The following SND1 variants were observed in gnomAD, a reference collection of about 807,000 sequenced individuals.
SND1 encodes the protein staphylococcal nuclease domain-containing protein 1.
A neutral mutation model predicts 121.7 loss-of-function variants in SND1; 38 were observed. The ratio of observed to expected loss-of-function variants is 0.31; its 90% CI spans 0.24 to 0.41. The LOEUF (loss-of-function observed/expected upper bound fraction) is 0.41. SND1 is among the 10% of genes least tolerant of loss of function. SND1 has a pLI of 1.00. For missense variants in SND1, 868 were observed against 1,184.6 expected (o/e 0.73, Z 3.92); for synonymous variants, 401 against 447.4 (o/e 0.90, Z 1.31).
chr7:127,803,155 T>C (rs903222111), intron 10 of SND1, among the ~76,000 whole-genome samples: 2 of 152,230 alleles, frequency 1.3e-5, no homozygotes, highest in African/African-American at 2.4e-5. Context: ...CTAGCTGCAG[T>C]GGTGGTGCCT....
At chr7:127,673,078 G>C (rs1006404936) in intron 1 of SND1, among the ~76,000 whole-genome samples, 3 of 147,990 alleles carry the variant, frequency 2.0e-5, no homozygotes, top group Non-Finnish European at 4.5e-5. Context: ...ATTTTAACCT[G>C]TTCATTATTT....
At position 128,052,596 on chromosome 7, in the gene SND1, C is replaced by T. The variant is rs536469188; in HGVS notation, c.1780-21906C>T. On this transcript the variant is annotated intron_variant, in intron 16 of 23. Transcript: ENST00000354725. This position sits in a 1 kb window ranked among gnomAD's most constrained non-coding sequence, Gnocchi z 4.6. ...TGTGTGTGTATCTGCATGCTCACAC[C>T]GCAGCCTGATCGATGCCTGTCAGAG... Among the ~76,000 whole-genome samples, 9 of 152,300 alleles carry T rather than the reference C, an allele frequency of 5.9e-5. No individual in the cohort carries two copies. In the East Asian group the frequency reaches 9.6e-4, roughly 16 times the overall value.
intron 15 of SND1, among the ~76,000 whole-genome samples, chr7:127,947,348 A>G (rs543012133): frequency 1.3e-5 from 2 of 152,346 alleles, no homozygotes; most frequent in African/African-American, 2.4e-5. Flanking sequence ...TGCTGCCCCT[A>G]GATATGCCAG....
At chr7:128,022,481 G>A (rs577757638) in intron 16 of SND1, among the ~76,000 whole-genome samples, 1 of 152,240 alleles carries the variant, frequency 6.6e-6, no homozygotes, top group East Asian at 1.9e-4. Context: ...TCATGCCATC[G>A]TCTCAAATGC....
At chr7:128,030,531 G>C (rs758833551) in intron 16 of SND1, 17 of 1,613,284 alleles carry the variant, frequency 1.1e-5, no homozygotes, top group Non-Finnish European at 1.4e-5. Context: ...TGAGGCGGCA[G>C]CAGCGATGGC....
intron 12 of SND1, among the ~76,000 whole-genome samples, chr7:127,848,495 A>T (rs981469509): frequency 6.6e-6 from 1 of 152,232 alleles, no homozygotes; most frequent in Non-Finnish European, 1.5e-5. Flanking sequence ...GTTAGTAAAG[A>T]GAGCTTCTAT....
chr7:127,822,955 G>A (rs1374383084), intron 11 of SND1, among the ~76,000 whole-genome samples: 1 of 152,202 alleles, frequency 6.6e-6, no homozygotes. Context: ...CATTAAATGA[G>A]GTAATATACG....
intron 16 of SND1, among the ~76,000 whole-genome samples, chr7:128,009,238 A>T (rs1380910970): frequency 2.0e-5 from 3 of 152,230 alleles, no homozygotes; most frequent in Non-Finnish European, 4.4e-5. Context: ...GTGAACATGC[A>T]GACAAGGTAC....
intron 16 of SND1, among the ~76,000 whole-genome samples, chr7:127,995,910 C>T (rs921125857): frequency 2.6e-5 from 4 of 152,140 alleles, no homozygotes; most frequent in Non-Finnish European, 5.9e-5. Flanking sequence ...AGGCCTTTTT[C>T]GATGACCCCT....
At chr7:127,841,721 G>A (rs1798969498) in intron 11 of SND1, among the ~76,000 whole-genome samples, 1 of 152,092 alleles carries the variant, frequency 6.6e-6, no homozygotes, top group Admixed American at 6.6e-5. Flanking sequence ...CTGGCCAGCA[G>A]CATGCAGGGA....
intron 15 of SND1, among the ~76,000 whole-genome samples, chr7:127,971,369 A>T (rs1801983056): frequency 6.6e-6 from 1 of 152,346 alleles, no homozygotes; most frequent in African/African-American, 2.4e-5. Context: ...TATGGCTGTC[A>T]TGTCTGCTAG....
chr7:127,660,989 C>T (rs1390662709), intron 1 of SND1, among the ~76,000 whole-genome samples: 1 of 152,098 alleles, frequency 6.6e-6, no homozygotes, highest in African/African-American at 2.4e-5. Context: ...TGGGATTGAT[C>T]TGGGGCTGGC....
intron 1 of SND1, among the ~76,000 whole-genome samples, chr7:127,676,497 G>A (rs1795618320): frequency 6.6e-6 from 1 of 152,184 alleles, no homozygotes; most frequent in Non-Finnish European, 1.5e-5. Context: ...TGTTCCGTTA[G>A]CCACACCATC....
chr7:127,760,089 TC>T (rs1279334725), intron 10 of SND1, among the ~76,000 whole-genome samples: 1 of 152,182 alleles, frequency 6.6e-6, no homozygotes, highest in Non-Finnish European at 1.5e-5. Context: ...CCCTATGGAC[TC>T]CCCTCAGTCC....
chr7:127,672,357 C>T (rs1204949169), intron 1 of SND1, among the ~76,000 whole-genome samples: 1 of 151,920 alleles, frequency 6.6e-6, no homozygotes, highest in Admixed American at 6.6e-5. Context: ...AATCCTAGCA[C>T]TTAGGGAGGC....
At position 128,029,134 on chromosome 7, in the gene SND1, G is replaced by C; in HGVS notation, c.1779+38078G>C. 1 of 1,614,162 alleles carries C rather than the reference G, an allele frequency of 6.2e-7. No individual in the cohort carries two copies. On this transcript the variant is annotated intron_variant, in intron 16 of 23. Coordinates refer to ENST00000354725, the MANE Select transcript of SND1 (RefSeq NM_014390.4). This position sits in a 1 kb window ranked among gnomAD's most constrained non-coding sequence, Gnocchi z 4.2. ...GTGTCTGTCGCGGGTACTGCCACCT[G>C]CTTGGGCACACGGGTAGTCTGAATG...
At chr7:127,978,296 T>G (rs1490906719) in intron 15 of SND1, among the ~76,000 whole-genome samples, 1 of 152,116 alleles carries the variant, frequency 6.6e-6, no homozygotes. Context: ...AACAATCTAG[T>G]AGGACTTCTA....
At chr7:127,841,336 G>A (rs1482259802) in intron 11 of SND1, among the ~76,000 whole-genome samples, 2 of 152,070 alleles carry the variant, frequency 1.3e-5, no homozygotes, top group African/African-American at 4.8e-5. Context: ...TTGTTAGATG[G>A]ATTGGGTGAA....
chr7:127,704,984 G>T lies in SND1; in HGVS notation c.947+39G>T, dbSNP rs374292327. The stretch of plus-strand genomic sequence containing the variant: ...AAGAGGCCTTCCAGCTGTGGATCTT[G>T]TTAAGGATCTTTAGGGAAAGAAATC... On this transcript the variant is annotated intron_variant, in intron 8 of 23. Coordinates refer to ENST00000354725, the MANE Select transcript of SND1 (RefSeq NM_014390.4). 1.5e-5 allele frequency: 23 copies of T among 1,531,738 alleles called. No homozygotes were observed. The African/African-American group carries it at 3.0e-4, about 20-fold the overall frequency. The allele number at this position is 1,531,738 out of a possible 1,614,324, so 94.9% of individuals were successfully genotyped here. A position where few individuals can be genotyped will look rare whatever the true frequency, so the allele number is the denominator to read the frequency against.
Sources: allele counts gnomAD v4.1 joint callset (sites outside exome capture counted in the v4.1 genomes callset), GRCh38; gene constraint gnomAD v4.1.1; non-coding constraint Gnocchi (gnomAD v3.1); transcripts MANE v1.5; gene names NCBI Gene and HGNC (gene_info 2026-07-23, HGNC 2026-07-21).